The following CNTNAP2 variants were observed in gnomAD, a reference collection of about 807,000 sequenced individuals.
CNTNAP2 encodes the protein contactin associated protein 2.
A neutral mutation model predicts 155.2 loss-of-function variants in CNTNAP2; 98 were observed. That is an observed-to-expected ratio of 0.63 (90% CI 0.54 to 0.75). CNTNAP2 has a LOEUF of 0.75. Among genes scored for constraint, CNTNAP2 ranks in the 30% least tolerant of loss-of-function variants. The probability of loss-of-function intolerance (pLI) is 0.00; values close to 1 mark genes in which losing one functional copy is unlikely to be tolerated. For missense variants in CNTNAP2, 1,727 were observed against 1,688.1 expected, an observed-to-expected ratio of 1.02 and a Z score of -0.40; for synonymous variants, 651 against 631.2, an observed-to-expected ratio of 1.03 and a Z score of -0.47.
intron 8 of CNTNAP2, among the ~76,000 whole-genome samples, chr7:147,294,666 T>G (rs1329586934): frequency 1.3e-5 from 2 of 152,114 alleles, no homozygotes; most frequent in African/African-American, 4.8e-5. Flanking sequence ...ACAATTTTTT[T>G]TTTTGTTTTG....
chr7:146,326,882 C>T (rs576341005), intron 1 of CNTNAP2, among the ~76,000 whole-genome samples: 1 of 152,286 alleles, frequency 6.6e-6, no homozygotes, highest in South Asian at 2.1e-4. Context: ...AGGAAATTCA[C>T]ATTTCATTTA....
At chr7:147,188,383 C>T (rs77182563) in intron 8 of CNTNAP2, among the ~76,000 whole-genome samples, 100 of 152,268 alleles carry the variant, frequency 6.6e-4, no homozygotes, top group African/African-American at 2.4e-3. Context: ...TTACAAGGTA[C>T]TTCACATACA....
chr7:146,447,116 A>G (rs191087644), intron 1 of CNTNAP2, among the ~76,000 whole-genome samples: 51 of 152,184 alleles, frequency 3.4e-4, no homozygotes, highest in Admixed American at 7.2e-4. Flanking sequence ...TATTCAAGTT[A>G]CATTTCAGAT....
rs923657719 is a variant in CNTNAP2 at position 147,115,918 on chromosome 7, T to G, written c.755-5061T>G. Among the ~76,000 whole-genome samples, 3 of 152,352 alleles carry G rather than the reference T, an allele frequency of 2.0e-5. No individual in the cohort carries two copies. In the East Asian group the frequency reaches 5.8e-4, roughly 29 times the overall value. ...GGCTTTTTGATTTTTCAGAATTTTT[T>G]GCATTGATTGCTTCTCATCTTTGGT... On this transcript the variant is annotated intron_variant, in intron 5 of 23. Coordinates refer to ENST00000361727, the MANE Select transcript of CNTNAP2 (RefSeq NM_014141.6).
chr7:148,132,250 C>A (rs1359886052), intron 16 of CNTNAP2, among the ~76,000 whole-genome samples: 1 of 152,048 alleles, frequency 6.6e-6, no homozygotes, highest in Non-Finnish European at 1.5e-5. Flanking sequence ...CAAGTAGGAA[C>A]CTTGAGGAGA....
intron 9 of CNTNAP2, among the ~76,000 whole-genome samples, chr7:147,332,210 C>G (rs965070843): frequency 2.0e-5 from 3 of 152,150 alleles, no homozygotes; most frequent in South Asian, 2.1e-4. Context: ...TTCTTCTACA[C>G]TGGTTCAACT....
At chr7:146,791,159 C>G (rs1242435537) in intron 2 of CNTNAP2, among the ~76,000 whole-genome samples, 1 of 150,022 alleles carries the variant, frequency 6.7e-6, no homozygotes, top group East Asian at 2.0e-4. Context: ...TCTCATTGTT[C>G]AACTCCCACT....
intron 3 of CNTNAP2, among the ~76,000 whole-genome samples, chr7:146,935,744 G>A (rs1796901541): frequency 6.6e-6 from 1 of 152,178 alleles, no homozygotes; most frequent in Non-Finnish European, 1.5e-5. Flanking sequence ...ATGTCTTGTG[G>A]AGAAAGCATT....
chr7:148,076,451 T>C (rs1243843823), intron 15 of CNTNAP2, among the ~76,000 whole-genome samples: 1 of 141,348 alleles, frequency 7.1e-6, no homozygotes, highest in African/African-American at 2.6e-5. Flanking sequence ...TTTTTTTTTT[T>C]TTGAGACAGA....
chr7:146,157,394 G>A (rs533373106), intron 1 of CNTNAP2, among the ~76,000 whole-genome samples: 3 of 152,110 alleles, frequency 2.0e-5, no homozygotes, highest in Non-Finnish European at 4.4e-5. Flanking sequence ...ATCTCACTGG[G>A]GCTTGTCAGA....
intron 13 of CNTNAP2, among the ~76,000 whole-genome samples, chr7:147,780,382 T>C (rs1479458365): frequency 6.6e-6 from 1 of 152,200 alleles, no homozygotes; most frequent in African/African-American, 2.4e-5. Flanking sequence ...AACAAACCAA[T>C]TGTTAATTTA....
chr7:146,275,964 C>G (rs1226696371), intron 1 of CNTNAP2, among the ~76,000 whole-genome samples: 1 of 152,132 alleles, frequency 6.6e-6, no homozygotes, highest in African/African-American at 2.4e-5. Context: ...TCTTGTGGGT[C>G]AAGGCCGTGG....
At chr7:147,033,147 CATAT>C (rs140439948) in intron 3 of CNTNAP2, among the ~76,000 whole-genome samples, 1 of 86,978 alleles carries the variant, frequency 1.1e-5, no homozygotes, top group Admixed American at 1.6e-4. Context: ...GATATTGCTG[CATAT>C]ATATATATGT....
At chr7:147,565,111 A>G (rs1276760014) in intron 12 of CNTNAP2, among the ~76,000 whole-genome samples, 1 of 152,216 alleles carries the variant, frequency 6.6e-6, no homozygotes, top group African/African-American at 2.4e-5. Context: ...ATGTAACTCT[A>G]TGTCATGAAA....
chr7:147,675,006 T>C (rs964373164), intron 13 of CNTNAP2, among the ~76,000 whole-genome samples: 3 of 152,036 alleles, frequency 2.0e-5, no homozygotes, highest in African/African-American at 7.2e-5. Flanking sequence ...CACCACAAAC[T>C]TTGTGTCTTA....
rs184866424 is a variant in CNTNAP2, at chr7:147,552,237, G to A, written c.1778-9901G>A. ...CACAATTCTTTCTGCTATGGGAAAC[G>A]GCCTGTTTCATTTTCAAATTTTGAA... On this transcript the variant is annotated intron_variant, in intron 11 of 23. Transcript: ENST00000361727. Among the ~76,000 whole-genome samples, 259 of 151,992 alleles carry A rather than the reference G, an allele frequency of 1.7e-3. 1 individual carries two copies. Among genetic ancestry groups the A allele is most frequent in the African/African-American group, 5.3e-3 (220 of 41,472 alleles).
chr7:147,167,617 A>G lies in CNTNAP2; in HGVS notation c.1348+35108A>G, dbSNP rs1802140332. The G allele has an allele frequency of 4.7e-6, 3 of 640,782 alleles. No homozygotes were observed. In the South Asian group the frequency reaches 6.0e-5, roughly 13 times the overall value. The allele number at this position is 640,782 out of a possible 1,614,324, so 39.7% of individuals were successfully genotyped here. On this transcript the variant is annotated intron_variant, in intron 8 of 23. Transcript: ENST00000361727. ...AGCCCAGCATCAGAAGTCTAGTTTTATATGCAGCTGTCCTGTGATATCAGC... is the reference window on the plus strand; with the variant it reads ...AGCCCAGCATCAGAAGTCTAGTTTTGTATGCAGCTGTCCTGTGATATCAGC...
chr7:147,235,237 T>A (rs1803772561), intron 8 of CNTNAP2, among the ~76,000 whole-genome samples: 1 of 152,168 alleles, frequency 6.6e-6, no homozygotes, highest in South Asian at 2.1e-4. Flanking sequence ...TAGGCTTTCC[T>A]GGGTCTCCAG....
chr7:147,160,557 G>A (rs1802005826), intron 8 of CNTNAP2, among the ~76,000 whole-genome samples: 1 of 151,872 alleles, frequency 6.6e-6, no homozygotes, highest in Non-Finnish European at 1.5e-5. Flanking sequence ...CAGCTTTATT[G>A]CATACAATAT....
Sources: gnomAD v4.1 joint callset for allele counts (sites outside exome capture counted in the v4.1 genomes callset) on GRCh38, gnomAD v4.1.1 for gene constraint, MANE v1.5 for transcripts, NCBI Gene and HGNC (gene_info 2026-07-23, HGNC 2026-07-21) for gene names.